SLC9A9: variants seen among roughly 807,000 people sequenced by gnomAD.
The protein encoded by SLC9A9 is sodium/hydrogen exchanger 9.
SLC9A9 carries 62 observed loss-of-function variants against 77.8 expected under a neutral mutation model. That is an observed-to-expected ratio of 0.80 (90% CI 0.65 to 0.98). SLC9A9 has a LOEUF of 0.98. Ranked by LOEUF, SLC9A9 falls within the 50% of genes least tolerant of loss-of-function variation. SLC9A9 has a pLI of 0.00. For missense variants in SLC9A9, 775 were observed against 774.9 expected (o/e 1.00, Z 0.00); for synonymous variants, 320 against 283.5 (o/e 1.13, Z -1.29).
intron 12 of SLC9A9, among the ~76,000 whole-genome samples, chr3:143,426,223 A>G (rs1388454852): frequency 1.3e-5 from 2 of 152,192 alleles, no homozygotes; most frequent in Admixed American, 1.3e-4. Flanking sequence ...TATAATTAAC[A>G]ATTAAAAAAC....
chr3:143,368,565 T>C (rs2032968435), intron 13 of SLC9A9, among the ~76,000 whole-genome samples: 1 of 152,326 alleles, frequency 6.6e-6, no homozygotes, highest in Middle Eastern at 3.4e-3. Context: ...TTTCTCAAGA[T>C]TTCATATTCA....
At chr3:143,800,792 C>T (rs1221963982) in intron 2 of SLC9A9, among the ~76,000 whole-genome samples, 1 of 152,202 alleles carries the variant, frequency 6.6e-6, no homozygotes, top group Admixed American at 6.5e-5. Context: ...CCTAACAAGA[C>T]ACCCTCCTGC....
In SLC9A9 at chr3:143,622,091, G is replaced by T. The variant is rs572249548; in HGVS notation, c.755+30164C>A. Reference sequence around the variant, plus strand: ...AAAAGAATAAAAAGAAATGAACAAAGCCTCCAAGAAATATGGGACTATGTG... The same window carrying T: ...AAAAGAATAAAAAGAAATGAACAAATCCTCCAAGAAATATGGGACTATGTG... On this transcript the variant is annotated intron_variant, in intron 6 of 15. Coordinates refer to ENST00000316549, the MANE Select transcript of SLC9A9 (RefSeq NM_173653.4). Among the ~76,000 whole-genome samples, 962 of 152,264 alleles carry T rather than the reference G, an allele frequency of 6.3e-3. 12 individuals carry two copies. Among genetic ancestry groups the T allele is most frequent in the African/African-American group, 0.022 (913 of 41,534 alleles).
intron 4 of SLC9A9, among the ~76,000 whole-genome samples, chr3:143,781,445 G>A (rs1010365591): frequency 6.6e-6 from 1 of 152,136 alleles, no homozygotes; most frequent in Non-Finnish European, 1.5e-5. Flanking sequence ...AATAAATACA[G>A]GCAATTGTTA....
intron 9 of SLC9A9, among the ~76,000 whole-genome samples, chr3:143,522,073 G>T (rs1055015160): frequency 6.6e-6 from 1 of 152,024 alleles, no homozygotes; most frequent in African/African-American, 2.4e-5. Context: ...TCCAACCTAA[G>T]ATTCTGTTTG....
intron 4 of SLC9A9, among the ~76,000 whole-genome samples, chr3:143,702,303 A>G (rs1576669285): frequency 6.6e-6 from 1 of 152,304 alleles, no homozygotes; most frequent in East Asian, 1.9e-4. Context: ...TAAACTATTC[A>G]GATCTTAATT....
At chr3:143,841,964 A>G (rs2009717822) in intron 1 of SLC9A9, among the ~76,000 whole-genome samples, 1 of 152,170 alleles carries the variant, frequency 6.6e-6, no homozygotes, top group Non-Finnish European at 1.5e-5. Context: ...CATGTTGGTC[A>G]GGCTGCTCTC....
chr3:143,744,009 T>C (rs1174791346), intron 4 of SLC9A9, among the ~76,000 whole-genome samples: 2 of 152,308 alleles, frequency 1.3e-5, no homozygotes, highest in African/African-American at 4.8e-5. Flanking sequence ...TCTGCTTTTA[T>C]GATTCTATGG....
At chr3:143,412,994 T>G (rs1185088301) in intron 12 of SLC9A9, among the ~76,000 whole-genome samples, 1 of 152,234 alleles carries the variant, frequency 6.6e-6, no homozygotes, top group Non-Finnish European at 1.5e-5. Context: ...ACAGAGGAAC[T>G]GGTCCTGAAC....
At chr3:143,272,096 T>A (rs1303331051) in intron 14 of SLC9A9, among the ~76,000 whole-genome samples, 1 of 152,206 alleles carries the variant, frequency 6.6e-6, no homozygotes, top group African/African-American at 2.4e-5. Flanking sequence ...AAAGTTGGAC[T>A]ACTTGGGCCT....
chr3:143,843,097 C>T (rs925040077), intron 1 of SLC9A9, among the ~76,000 whole-genome samples: 1 of 151,604 alleles, frequency 6.6e-6, no homozygotes, highest in African/African-American at 2.4e-5. Context: ...CAGGGGAGCA[C>T]ATCAATATTT....
intron 4 of SLC9A9, among the ~76,000 whole-genome samples, chr3:143,717,107 G>A (rs982064249): frequency 4.6e-5 from 7 of 152,142 alleles, no homozygotes; most frequent in Non-Finnish European, 2.9e-5. Context: ...GGGATATAAG[G>A]GATGTCCTTA....
At chr3:143,512,663 G>A (rs897837607) in intron 9 of SLC9A9, among the ~76,000 whole-genome samples, 9 of 152,214 alleles carry the variant, frequency 5.9e-5, no homozygotes, top group Non-Finnish European at 1.3e-4. Flanking sequence ...GGATCACGAG[G>A]TCAGGAGTTC....
chr3:143,844,525 A>G (rs2108900380), intron 1 of SLC9A9, among the ~76,000 whole-genome samples: 1 of 152,322 alleles, frequency 6.6e-6, no homozygotes, highest in African/African-American at 2.4e-5. Context: ...GAGCAAGAAC[A>G]GTACTCGGTG....
chr3:143,292,264 T>C (rs952013966), intron 14 of SLC9A9, among the ~76,000 whole-genome samples: 11 of 152,240 alleles, frequency 7.2e-5, no homozygotes, highest in African/African-American at 2.7e-4. Context: ...AGGTTTGACC[T>C]CCAAGCAATT....
intron 4 of SLC9A9, among the ~76,000 whole-genome samples, chr3:143,790,151 C>T (rs865859800): frequency 5.3e-5 from 8 of 152,258 alleles, no homozygotes; most frequent in African/African-American, 1.7e-4. Context: ...CGCTCTCATT[C>T]TCTCTCTTGC....
intron 12 of SLC9A9, among the ~76,000 whole-genome samples, chr3:143,383,236 A>G (rs2033345158): frequency 1.3e-5 from 2 of 152,160 alleles, no homozygotes; most frequent in African/African-American, 4.8e-5. Flanking sequence ...CAGACTTCTG[A>G]TGCCAGGCAC....
At chr3:143,651,770 T>C (rs2038800700) in intron 6 of SLC9A9, among the ~76,000 whole-genome samples, 2 of 152,224 alleles carry the variant, frequency 1.3e-5, no homozygotes. Context: ...TCATCCGTCA[T>C]GTGATGTTTT....
chr3:143,417,907 T>C (rs1048167307), intron 12 of SLC9A9, among the ~76,000 whole-genome samples: 6 of 151,894 alleles, frequency 4.0e-5, no homozygotes, highest in African/African-American at 1.2e-4. Flanking sequence ...TTCTGTAGTT[T>C]TTGCTTTCCA....
Sources: allele counts gnomAD v4.1 joint callset (sites outside exome capture counted in the v4.1 genomes callset), GRCh38; gene constraint gnomAD v4.1.1; transcripts MANE v1.5; gene names NCBI Gene and HGNC (gene_info 2026-07-23, HGNC 2026-07-21).